Variants in SGCZ observed in about 807,000 individuals in gnomAD.
The protein encoded by SGCZ is sarcoglycan zeta.
Under a neutral mutation model 41.3 loss-of-function variants are expected in SGCZ, and 40 were observed. The observed-to-expected ratio is 0.97, with a 90% CI of 0.75 to 1.26. The LOEUF (loss-of-function observed/expected upper bound fraction) is 1.26, where lower values mean the gene tolerates loss of function less well. SGCZ is among the 50% of genes most tolerant of loss of function. SGCZ has a pLI of 0.00. For synonymous variants in SGCZ, 206 were observed against 137.5 expected (o/e 1.50, Z -3.49); for missense variants, 552 against 369.8 (o/e 1.49, Z -4.04).
At position 14,390,356 on chromosome 8, in the gene SGCZ, CTG is replaced by C. The variant is rs1040100624; in HGVS notation, c.235-66154_235-66153del. On this transcript the variant is annotated intron_variant, in intron 2 of 7. Transcript: ENST00000382080. ...ACTATATTTACATTGCTTTAATCAA[CTG>C]TGTTCTAATAATTGTAATAATAAAT... Among the ~76,000 whole-genome samples the C allele has an allele frequency of 7.2e-5, 11 of 151,802 alleles. 2 individuals are homozygous for C. The highest frequency in any genetic ancestry group is 6.2e-4 in the South Asian group (3 of 4,812).
chr8:15,053,133 T>A (rs1428691737), intron 1 of SGCZ, among the ~76,000 whole-genome samples: 1 of 152,116 alleles, frequency 6.6e-6, no homozygotes, highest in East Asian at 1.9e-4. Flanking sequence ...ATTCCAAGTG[T>A]CCTCTCTTTC....
chr8:14,853,125 T>G (rs1289814477), intron 1 of SGCZ, among the ~76,000 whole-genome samples: 1 of 152,218 alleles, frequency 6.6e-6, no homozygotes, highest in Non-Finnish European at 1.5e-5. Flanking sequence ...AGCATGCATA[T>G]AAAACTTGTA....
intron 1 of SGCZ, among the ~76,000 whole-genome samples, chr8:14,695,372 G>A (rs556192430): frequency 2.0e-4 from 31 of 152,170 alleles, no homozygotes; most frequent in African/African-American, 6.0e-4. Flanking sequence ...AGTAAAAGAA[G>A]TAATATTAAA....
At chr8:14,824,138 C>T (rs1259135342) in intron 1 of SGCZ, among the ~76,000 whole-genome samples, 2 of 151,978 alleles carry the variant, frequency 1.3e-5, no homozygotes, top group African/African-American at 2.4e-5. Context: ...TCGAGAGAAA[C>T]AGACTTACAA....
At position 14,416,556 on chromosome 8, in the gene SGCZ, T is replaced by C. The variant is rs902384702; in HGVS notation, c.235-92352A>G. ...CGACAGAGAAATACTGAGAAAAGAA[T>C]AGAGCATGAAAGTAAAATTTCACTT... On this transcript the variant is annotated intron_variant, in intron 2 of 7. Coordinates refer to ENST00000382080, the MANE Select transcript of SGCZ (RefSeq NM_139167.4). Among the ~76,000 whole-genome samples the C allele has an allele frequency of 3.3e-5, 5 of 151,852 alleles. No homozygotes were observed. The South Asian group carries it at 6.2e-4, about 19-fold the overall frequency.
At chr8:14,515,905 T>C (rs1802606257) in intron 2 of SGCZ, among the ~76,000 whole-genome samples, 1 of 152,116 alleles carries the variant, frequency 6.6e-6, no homozygotes, top group African/African-American at 2.4e-5. Context: ...TACGTTGTTA[T>C]ATCATCTTTT....
intron 1 of SGCZ, among the ~76,000 whole-genome samples, chr8:14,925,259 G>A (rs1799711235): frequency 2.0e-5 from 3 of 152,084 alleles, no homozygotes; most frequent in South Asian, 2.1e-4. Context: ...TATCACTGTC[G>A]AAGACAAAAT....
At chr8:14,674,267 C>A (rs949511925) in intron 1 of SGCZ, among the ~76,000 whole-genome samples, 8 of 151,344 alleles carry the variant, frequency 5.3e-5, no homozygotes, top group African/African-American at 1.2e-4. Flanking sequence ...AAAACACCAA[C>A]GTAAAACCTT....
intron 1 of SGCZ, among the ~76,000 whole-genome samples, chr8:14,679,055 T>C (rs1049900956): frequency 2.6e-5 from 4 of 152,152 alleles, no homozygotes; most frequent in Admixed American, 6.6e-5. Flanking sequence ...TCCTATCGTC[T>C]AGTGATGTCA....
At chr8:14,575,938 A>G (rs1379428525) in intron 1 of SGCZ, among the ~76,000 whole-genome samples, 1 of 150,310 alleles carries the variant, frequency 6.7e-6, no homozygotes, top group East Asian at 2.0e-4. Flanking sequence ...AAAAAAAAGA[A>G]AGAAAGAGAG....
chr8:14,872,219 A>T (rs1309064188), intron 1 of SGCZ, among the ~76,000 whole-genome samples: 1 of 152,108 alleles, frequency 6.6e-6, no homozygotes, highest in Non-Finnish European at 1.5e-5. Context: ...CCTAATGTAG[A>T]TGACAGGTTG....
chr8:14,849,643 G>C (rs1400000125), intron 1 of SGCZ, among the ~76,000 whole-genome samples: 2 of 152,084 alleles, frequency 1.3e-5, no homozygotes, highest in Admixed American at 1.3e-4. Context: ...GCTATACGTG[G>C]GGTGAGGCCA....
At chr8:14,678,416 T>G (rs1022975226) in intron 1 of SGCZ, among the ~76,000 whole-genome samples, 12 of 152,102 alleles carry the variant, frequency 7.9e-5, no homozygotes, top group African/African-American at 2.9e-4. Context: ...GTACCAATGG[T>G]AAATAACCAT....
rs1432595115 is a variant in SGCZ at position 14,108,177 on chromosome 8, T to G, written c.606A>C (p.Pro202=). 2 of 1,614,016 alleles carry G rather than the reference T, an allele frequency of 1.2e-6. No individual in the cohort carries two copies. The highest frequency in any genetic ancestry group is 2.7e-5 in the African/African-American group (2 of 74,922). ...GAAGCCCTTACCTGAGATCTTGGGA[T>G]GGCTCTGCTCTGATGTGCGGCGTCT... is the stretch of plus-strand genomic sequence containing the variant. ...SVETPHIRAE[P]SQDLRLESPT... Residue 202 remains proline (P), a synonymous_variant, in exon 6 of 8, where the codon CCA becomes CCC. Transcript: ENST00000382080.
rs543732858 is a variant in SGCZ, at chr8:14,341,157, T to A, written c.235-16953A>T. On this transcript the variant is annotated intron_variant, in intron 2 of 7. Transcript: ENST00000382080. ...ATTATGCTATCTGTATATACCATATTTTATGTATTTGTTTATCTGTCAATG... is the reference window on the plus strand; with the variant it reads ...ATTATGCTATCTGTATATACCATATATTATGTATTTGTTTATCTGTCAATG... Among the ~76,000 whole-genome samples the A allele has an allele frequency of 2.6e-5, 4 of 152,322 alleles. No individual in the cohort carries two copies. The South Asian group carries it at 6.2e-4, about 24-fold the overall frequency.
At chr8:15,063,970 G>C (rs567411734) in intron 1 of SGCZ, among the ~76,000 whole-genome samples, 77 of 152,202 alleles carry the variant, frequency 5.1e-4, no homozygotes, top group Non-Finnish European at 5.3e-4. Context: ...CTTATTTTCT[G>C]TTATTCCGAT....
At chr8:15,097,804 AT>A (rs1806411808) in intron 1 of SGCZ, among the ~76,000 whole-genome samples, 2 of 131,750 alleles carry the variant, frequency 1.5e-5, no homozygotes, top group African/African-American at 6.2e-5. Flanking sequence ...ATACGTGTAT[AT>A]ATATATATAC....
At chr8:14,356,405 G>A (rs1222942913) in intron 2 of SGCZ, among the ~76,000 whole-genome samples, 1 of 151,992 alleles carries the variant, frequency 6.6e-6, no homozygotes, top group East Asian at 1.9e-4. Flanking sequence ...ACATGCTAGA[G>A]AAAAACTACA....
intron 5 of SGCZ, among the ~76,000 whole-genome samples, chr8:14,128,022 AT>A (rs2117050568): frequency 6.6e-6 from 1 of 152,260 alleles, no homozygotes; most frequent in South Asian, 2.1e-4. Context: ...AATATACGGT[AT>A]TTGGTTTTCT....
Sources: allele counts gnomAD v4.1 joint callset (sites outside exome capture counted in the v4.1 genomes callset), GRCh38; gene constraint gnomAD v4.1.1; transcripts MANE v1.5; gene names NCBI Gene and HGNC (gene_info 2026-07-23, HGNC 2026-07-21).